Variants in COBL observed in about 807,000 individuals in gnomAD.
The protein encoded by COBL is protein cordon-bleu.
In COBL, 51 loss-of-function variants were observed where a neutral mutation model predicts 98.8. The ratio of observed to expected loss-of-function variants is 0.52; its 90% confidence interval spans 0.41 to 0.65. The LOEUF (loss-of-function observed/expected upper bound fraction) is 0.65. COBL is among the 30% of genes least tolerant of loss of function. The probability of loss-of-function intolerance (pLI) is 0.00; values close to 1 mark genes in which losing one functional copy is unlikely to be tolerated. For missense variants in COBL, 1,617 were observed against 1,617.5 expected (o/e 1.00, Z 0.01); for synonymous variants, 634 against 651.7 (o/e 0.97, Z 0.41).
chr7:51,174,209 A>G (rs1389098917), intron 5 of COBL, among the ~76,000 whole-genome samples: 1 of 152,180 alleles, frequency 6.6e-6, no homozygotes, highest in Non-Finnish European at 1.5e-5. Context: ...GTGTTTATGA[A>G]TTCCGGCATT....
chr7:51,089,949 C>T (rs1032383721), intron 6 of COBL, among the ~76,000 whole-genome samples: 1 of 152,116 alleles, frequency 6.6e-6, no homozygotes, highest in Non-Finnish European at 1.5e-5. Flanking sequence ...ACTAAATTAG[C>T]CCCTATTGCC....
chr7:51,302,580 T>TC (rs1324261334), intron 1 of COBL, among the ~76,000 whole-genome samples: 3 of 95,012 alleles, frequency 3.2e-5, no homozygotes, highest in Non-Finnish European at 5.7e-5. Flanking sequence ...AAACTCCGTC[T>TC]CAAAAAAAAA....
At chr7:51,105,727 G>C (rs559223328) in intron 6 of COBL, among the ~76,000 whole-genome samples, 1 of 152,202 alleles carries the variant, frequency 6.6e-6, no homozygotes, top group Admixed American at 6.5e-5. Flanking sequence ...CTGCACTCCA[G>C]CCTGGGCAAC....
At chr7:51,056,812 A>AACACACACACACACACACAC (rs3047115) in intron 7 of COBL, among the ~76,000 whole-genome samples, 1 of 143,574 alleles carries the variant, frequency 7.0e-6, no homozygotes, top group Non-Finnish European at 1.5e-5. Context: ...GTGCTCTCCC[A>AACACACACACACACACACAC]ACACACACAC....
At chr7:51,021,808 G>T (rs111952110) in intron 12 of COBL, among the ~76,000 whole-genome samples, 1 of 152,200 alleles carries the variant, frequency 6.6e-6, no homozygotes, top group East Asian at 1.9e-4. Flanking sequence ...TAGAAAAATT[G>T]TAATTCATTT....
intron 6 of COBL, among the ~76,000 whole-genome samples, chr7:51,111,424 A>C (rs56978387): frequency 0.063 from 9,652 of 152,266 alleles, 372 homozygotes; most frequent in Middle Eastern, 0.16. Flanking sequence ...CATTATTGGC[A>C]TTGGAAAGAA....
chr7:51,226,156 C>T (rs1407804800), intron 1 of COBL, among the ~76,000 whole-genome samples: 4 of 152,132 alleles, frequency 2.6e-5, no homozygotes, highest in Admixed American at 6.5e-5. Context: ...CTGAATGGCA[C>T]CTCTACACCA....
At chr7:51,248,096 G>A (rs148537083) in intron 1 of COBL, among the ~76,000 whole-genome samples, 7,540 of 152,106 alleles carry the variant, frequency 0.05, 622 homozygotes, top group African/African-American at 0.17. Flanking sequence ...CCGAGATCAC[G>A]CCACTACACT....
chr7:51,069,005 T>C (rs1212825664), intron 7 of COBL, among the ~76,000 whole-genome samples: 2 of 152,178 alleles, frequency 1.3e-5, no homozygotes. Flanking sequence ...CATCAAAACG[T>C]TGCCCTCGGC....
chr7:51,060,942 G>A (rs978790717), intron 7 of COBL, among the ~76,000 whole-genome samples: 2 of 152,140 alleles, frequency 1.3e-5, no homozygotes, highest in Non-Finnish European at 2.9e-5. Context: ...AGTATGGGAT[G>A]TAGGAGATCC....
rs141474975 is a variant in COBL, at chr7:51,152,851, T to C, written c.784-16520A>G. On this transcript the variant is annotated intron_variant, in intron 5 of 12. Transcript: ENST00000265136. ...GTCTTAGGGACATTTCTGTTTCTCA[T>C]GCCTGAATGGGAATGCTCCAACGGT... Among the ~76,000 whole-genome samples, 15 of 152,344 alleles carry C rather than the reference T, an allele frequency of 9.8e-5. No homozygotes were observed. In the East Asian group the frequency reaches 2.7e-3, roughly 27 times the overall value.
intron 1 of COBL, among the ~76,000 whole-genome samples, chr7:51,312,570 G>A (rs1463302772): frequency 6.6e-6 from 1 of 152,046 alleles, no homozygotes; most frequent in African/African-American, 2.4e-5. Flanking sequence ...ACTTATTACG[G>A]TGTATAGATG....
At chr7:51,084,942 C>T (rs1277220890) in intron 7 of COBL, among the ~76,000 whole-genome samples, 3 of 152,188 alleles carry the variant, frequency 2.0e-5, no homozygotes, top group African/African-American at 2.4e-5. Context: ...CCCCTTCCAC[C>T]GTCCCCCGCC....
intron 1 of COBL, among the ~76,000 whole-genome samples, chr7:51,312,696 C>T (rs576027337): frequency 2.0e-5 from 3 of 152,186 alleles, no homozygotes; most frequent in South Asian, 4.2e-4. Flanking sequence ...CCTGCATATA[C>T]GTGGGGGCTG....
intron 1 of COBL, among the ~76,000 whole-genome samples, chr7:51,245,113 G>A (rs1021799012): frequency 2.0e-5 from 3 of 152,052 alleles, no homozygotes. Flanking sequence ...TTACAGCCAG[G>A]CTTCCTCCAC....
At chr7:51,285,218 T>C (rs1251489199) in intron 1 of COBL, among the ~76,000 whole-genome samples, 1 of 152,122 alleles carries the variant, frequency 6.6e-6, no homozygotes, top group Admixed American at 6.5e-5. Flanking sequence ...GTGCTGGGAT[T>C]ACAGGCATAA....
chr7:51,067,417 G>A lies in COBL; in HGVS notation c.1096+17749C>T, dbSNP rs150644412. ...TGTGTATGTATGCATAGATGTTTAA[G>A]ATACACAATGTGCACATGTATTGTG... On this transcript the variant is annotated intron_variant, in intron 7 of 12. Coordinates refer to ENST00000265136, the MANE Select transcript of COBL (RefSeq NM_015198.5). 5.0e-3 allele frequency among the ~76,000 whole-genome samples: 769 copies of A among 152,318 alleles called. 8 individuals carry two copies. The highest frequency in any genetic ancestry group is 0.018 in the African/African-American group (737 of 41,560).
chr7:51,214,281 A>G (rs1025177047), intron 2 of COBL, among the ~76,000 whole-genome samples: 2 of 134,506 alleles, frequency 1.5e-5, no homozygotes, highest in Non-Finnish European at 3.1e-5. Context: ...AAAAATAAAT[A>G]AATAAATAAA....
intron 1 of COBL, among the ~76,000 whole-genome samples, chr7:51,293,721 C>T (rs1801125084): frequency 6.6e-6 from 1 of 152,108 alleles, no homozygotes; most frequent in Admixed American, 6.5e-5. Flanking sequence ...TACAGTACAC[C>T]TTCTCAATCA....
Sources: allele counts gnomAD v4.1 joint callset (sites outside exome capture counted in the v4.1 genomes callset), GRCh38; gene constraint gnomAD v4.1.1; transcripts MANE v1.5; gene names NCBI Gene and HGNC (gene_info 2026-07-23, HGNC 2026-07-21).